Variants in PRDM16 observed in about 807,000 individuals in gnomAD.
PRDM16 encodes the protein PR/SET domain 16.
PRDM16 carries 23 observed loss-of-function variants against 110.6 expected under a neutral mutation model. The ratio of observed to expected loss-of-function variants is 0.21; its 90% CI spans 0.15 to 0.29. PRDM16 has a LOEUF of 0.29. Among genes scored for constraint, PRDM16 ranks in the 10% least tolerant of loss-of-function variants. PRDM16 has a pLI of 1.00. For missense variants in PRDM16, 1,615 were observed against 1,794.3 expected (o/e 0.90, Z 1.81); for synonymous variants, 799 against 781.8 (o/e 1.02, Z -0.37).
At chr1:3,298,525 C>G (rs1641139255) in intron 3 of PRDM16, among the ~76,000 whole-genome samples, 1 of 152,226 alleles carries the variant, frequency 6.6e-6, no homozygotes, top group Non-Finnish European at 1.5e-5. Flanking sequence ...CCGGAGAGGG[C>G]AGCCCCGGAT....
At chr1:3,120,763 G>A (rs1177072822) in intron 1 of PRDM16, among the ~76,000 whole-genome samples, 1 of 152,190 alleles carries the variant, frequency 6.6e-6, no homozygotes. Flanking sequence ...ACCCCAGCCA[G>A]GCAGAGTCTG....
rs994737460 is a variant in PRDM16 at position 3,081,227 on chromosome 1, C to T, written c.37+11931C>T. Among the ~76,000 whole-genome samples the T allele has an allele frequency of 9.2e-5, 14 of 152,340 alleles. No individual in the cohort carries two copies. Among genetic ancestry groups the T allele is most frequent in the Admixed American group, 5.2e-4 (8 of 15,310 alleles). On this transcript the variant is annotated intron_variant, in intron 1 of 16. Transcript: ENST00000270722. This position sits in a 1 kb window ranked among gnomAD's most constrained non-coding sequence, Gnocchi z 4.6. ...GAATCTCATCTGCTAATTACGGCGG[C>T]GGGACTTGGGTTCGAGGCCCCTCGC...
At chr1:3,314,071 C>CGGGGCGG (rs1553161918) in intron 3 of PRDM16, among the ~76,000 whole-genome samples, 2 of 100,662 alleles carry the variant, frequency 2.0e-5, no homozygotes, top group East Asian at 3.8e-4. Context: ...CCTTCCCCAC[C>CGGGGCGG]GGGGGGGGGG....
chr1:3,424,037 C>A lies in PRDM16; in HGVS notation c.2940-1544C>A, dbSNP rs1235201807. 3.3e-5 allele frequency among the ~76,000 whole-genome samples: 5 copies of A among 152,152 alleles called. No homozygotes were observed. In the South Asian group the frequency reaches 1.0e-3, roughly 31 times the overall value. On this transcript the variant is annotated intron_variant, in intron 12 of 16. Transcript: ENST00000270722. ...CCAAGCACCCACGTGCAACTGAAAA[C>A]CATGCAGTCAGGGTTCCCTTCACCG...
chr1:3,164,757 A>T (rs1236396148), intron 1 of PRDM16, among the ~76,000 whole-genome samples: 1 of 152,132 alleles, frequency 6.6e-6, no homozygotes, highest in African/African-American at 2.4e-5. Flanking sequence ...TCCCGGCAGC[A>T]GTGCAGGGGA....
intron 4 of PRDM16, among the ~76,000 whole-genome samples, chr1:3,393,849 C>T (rs1643337647): frequency 2.0e-5 from 3 of 152,142 alleles, no homozygotes; most frequent in Admixed American, 6.5e-5. Flanking sequence ...CGGGGACCCC[C>T]GCCCCCGCCC....
At chr1:3,355,212 G>A (rs1404949386) in intron 3 of PRDM16, among the ~76,000 whole-genome samples, 1 of 152,192 alleles carries the variant, frequency 6.6e-6, no homozygotes, top group Admixed American at 6.5e-5. Context: ...GCTGCATCTG[G>A]GGCCAGGGCC....
At chr1:3,296,056 C>G (rs1011803794) in intron 3 of PRDM16, among the ~76,000 whole-genome samples, 1 of 152,146 alleles carries the variant, frequency 6.6e-6, no homozygotes, top group East Asian at 1.9e-4. Flanking sequence ...GGGACTTGCC[C>G]GAAAGGACAG....
intron 1 of PRDM16, among the ~76,000 whole-genome samples, chr1:3,161,684 C>G (rs545650374): frequency 2.0e-5 from 3 of 152,346 alleles, no homozygotes; most frequent in African/African-American, 4.8e-5. Flanking sequence ...GGCTCCAGCC[C>G]CAGCAGGCCC....
At chr1:3,318,646 G>A (rs1641670180) in intron 3 of PRDM16, among the ~76,000 whole-genome samples, 2 of 152,182 alleles carry the variant, frequency 1.3e-5, no homozygotes, top group African/African-American at 4.8e-5. Flanking sequence ...TTTCCAACAT[G>A]AGACACTGCT....
At chr1:3,304,338 G>A (rs140152226) in intron 3 of PRDM16, among the ~76,000 whole-genome samples, 148 of 152,324 alleles carry the variant, frequency 9.7e-4, no homozygotes, top group African/African-American at 3.3e-3. Context: ...TGTGAGCAAC[G>A]CTGCCTCTGA....
At chr1:3,117,215 C>A (rs1243159606) in intron 1 of PRDM16, among the ~76,000 whole-genome samples, 1 of 152,176 alleles carries the variant, frequency 6.6e-6, no homozygotes, top group Non-Finnish European at 1.5e-5. Context: ...ATGAGAGCGT[C>A]CCCAGGCTGA....
chr1:3,263,627 C>T (rs538562743), intron 3 of PRDM16, among the ~76,000 whole-genome samples: 4 of 152,374 alleles, frequency 2.6e-5, no homozygotes, highest in African/African-American at 4.8e-5. Flanking sequence ...GTCCGGGCCA[C>T]AGCTCTCTGC....
rs1231168361 is a variant in PRDM16, at chr1:3,246,770, C to A, written c.438+2633C>A. 6.6e-6 allele frequency among the ~76,000 whole-genome samples: 1 copy of A among 152,170 alleles called. No homozygotes were observed. The highest frequency in any genetic ancestry group is 2.1e-4 in the South Asian group (1 of 4,816). On this transcript the variant is annotated intron_variant, in intron 3 of 16. Coordinates refer to ENST00000270722, the MANE Select transcript of PRDM16 (RefSeq NM_022114.4). The surrounding 1 kb of genome is among the most constrained non-coding windows in gnomAD (Gnocchi z 5.2). Reference sequence around the variant, plus strand: ...CAGATCCCTAACCCCAGGGCTCAGACTGGACCCGTTCAGTTACATTTCTAG... The same window carrying A: ...CAGATCCCTAACCCCAGGGCTCAGAATGGACCCGTTCAGTTACATTTCTAG...
At chr1:3,262,659 A>G (rs2100257096) in intron 3 of PRDM16, among the ~76,000 whole-genome samples, 1 of 152,308 alleles carries the variant, frequency 6.6e-6, no homozygotes, top group Admixed American at 6.5e-5. Context: ...AAAAGAACCC[A>G]CAGAGAAAAA....
At chr1:3,331,663 G>A (rs906850345) in intron 3 of PRDM16, among the ~76,000 whole-genome samples, 34 of 152,192 alleles carry the variant, frequency 2.2e-4, no homozygotes, top group African/African-American at 7.7e-4. Context: ...GCCCAGGGCC[G>A]CTGACAGCCC....
chr1:3,238,234 G>A (rs1446867161), intron 2 of PRDM16: 1 of 152,298 alleles, frequency 6.6e-6, no homozygotes, highest in Non-Finnish European at 1.5e-5. Context: ...GGATGCGGAG[G>A]GCAGGAGTGA....
intron 1 of PRDM16, among the ~76,000 whole-genome samples, chr1:3,179,507 C>T (rs1644126414): frequency 6.6e-6 from 1 of 152,228 alleles, no homozygotes; most frequent in Non-Finnish European, 1.5e-5. Flanking sequence ...GATGCGGGCA[C>T]CTGAGAGGCT....
chr1:3,114,442 C>T lies in PRDM16; in HGVS notation c.37+45146C>T, dbSNP rs376183562. ...CATGCACACACCAGGTGTAAACAGA[C>T]GCACACGCACACACACGCACACACG... On this transcript the variant is annotated intron_variant, in intron 1 of 16. Coordinates refer to ENST00000270722, the MANE Select transcript of PRDM16 (RefSeq NM_022114.4). Among the ~76,000 whole-genome samples, 1,140 of 137,700 alleles carry T rather than the reference C, an allele frequency of 8.3e-3. 12 individuals are homozygous for T. Among genetic ancestry groups the T allele is most frequent in the South Asian group, 0.056 (259 of 4,612 alleles). 90.3% of individuals were successfully genotyped at this position (137,700 alleles called of 152,430 possible).
Sources: allele counts gnomAD v4.1 joint callset (sites outside exome capture counted in the v4.1 genomes callset), GRCh38; gene constraint gnomAD v4.1.1; non-coding constraint Gnocchi (gnomAD v3.1); transcripts MANE v1.5; gene names NCBI Gene and HGNC (gene_info 2026-07-23, HGNC 2026-07-21).